DPPA2: variants seen among roughly 807,000 people sequenced by gnomAD.
DPPA2 encodes developmental pluripotency associated 2.
In DPPA2, 26 loss-of-function variants were observed where a neutral mutation model predicts 36.2. That is an observed-to-expected ratio of 0.72 (90% CI 0.53 to 1.00). The LOEUF (loss-of-function observed/expected upper bound fraction) is 1.00, where lower values mean the gene tolerates loss of function less well. DPPA2 is among the 50% of genes least tolerant of loss of function. The pLI is 0.00. For synonymous variants in DPPA2, 113 were observed against 123.2 expected, an observed-to-expected ratio of 0.92 and a Z score of 0.55; for missense variants, 361 against 365.1, an observed-to-expected ratio of 0.99 and a Z score of 0.09.
intron 1 of DPPA2, among the ~76,000 whole-genome samples, chr3:109,315,326 CAT>C (rs1341843060): frequency 2.0e-5 from 3 of 152,246 alleles, no homozygotes; most frequent in African/African-American, 7.2e-5. Context: ...GGTTGGATAA[CAT>C]AATCTCTCTT....
At position 109,308,068 on chromosome 3, in the gene DPPA2, G is replaced by C; in HGVS notation, c.622C>G (p.Pro208Ala). The change falls in exon 6 of 9, where the codon CCT becomes GCT. Residue 208 changes from proline (P) to alanine (A), a missense_variant. Physicochemically the swap from Pro to Ala is conservative, Grantham distance 27. Transcript: ENST00000478945. Reference protein sequence around the residue: ...QPKALNSCSIPVSVEAFLMQA... With the variant: ...QPKALNSCSIAVSVEAFLMQA... ...ATCAAAAAGGCCTCAACAGAAACAG[G>C]AATGGAACATGAATTCAAAGCCTTA... 6.2e-7 allele frequency: 1 copy of C among 1,614,214 alleles called. No homozygotes were observed. Among genetic ancestry groups the C allele is most frequent in the Non-Finnish European group, 8.5e-7 (1 of 1,180,026 alleles).
chr3:109,313,376 T>C (rs1473945224), intron 2 of DPPA2, among the ~76,000 whole-genome samples: 2 of 152,164 alleles, frequency 1.3e-5, no homozygotes, highest in African/African-American at 4.8e-5. Context: ...TCTGTTTTAC[T>C]CTCTGTTGCT....
rs201890654 is a variant in DPPA2 at position 109,314,075 on chromosome 3, CACTTT to C, written c.33+430_33+434del. On this transcript the variant is annotated intron_variant, in intron 2 of 8. Transcript: ENST00000478945. ...CTCTGAAAGAAAGTAACCAATTGGT[CACTTT>C]ACTTTATGACTTTATCCACATTACC... Among the ~76,000 whole-genome samples the C allele has an allele frequency of 5.3e-3, 801 of 152,248 alleles. 13 individuals carry two copies. Among genetic ancestry groups the C allele is most frequent in the African/African-American group, 0.018 (729 of 41,556 alleles).
chr3:109,304,721 C>G, intron 6 of DPPA2, 51 bp from the exon 7 acceptor site: 1 of 1,515,144 alleles, frequency 6.6e-7, no homozygotes, highest in Non-Finnish European at 8.9e-7. Flanking sequence ...AGCACCCCAA[C>G]ACAACCTCTC....
chr3:109,314,477 TGA>T (rs1559700784), intron 2 of DPPA2, 31 bp downstream of exon 2: 1 of 1,603,246 alleles, frequency 6.2e-7, no homozygotes, highest in South Asian at 1.1e-5. Context: ...AAAGCGACTG[TGA>T]GAAAAGTAAT....
At chr3:109,307,241 A>G (rs1267066821) in intron 6 of DPPA2, among the ~76,000 whole-genome samples, 5 of 151,938 alleles carry the variant, frequency 3.3e-5, no homozygotes, top group Admixed American at 2.0e-4. Context: ...AGTTATAGGC[A>G]TACAGGCATG....
At chr3:109,294,314 G>A (rs981068127) in intron 8 of DPPA2, among the ~76,000 whole-genome samples, 1 of 152,188 alleles carries the variant, frequency 6.6e-6, no homozygotes, top group African/African-American at 2.4e-5. Flanking sequence ...GAAGACCATT[G>A]ATTAATGATA....
intron 8 of DPPA2, among the ~76,000 whole-genome samples, chr3:109,299,834 C>T (rs1273641054): frequency 1.4e-5 from 2 of 147,382 alleles, no homozygotes; most frequent in African/African-American, 5.0e-5. Context: ...AGAACTACAA[C>T]CTTGAACTCC....
At chr3:109,298,667 G>C (rs1707400668) in intron 8 of DPPA2, among the ~76,000 whole-genome samples, 2 of 150,794 alleles carry the variant, frequency 1.3e-5, no homozygotes, top group Admixed American at 1.3e-4. Context: ...AGTGAGCTGA[G>C]ATCGGCGTCA....
intron 2 of DPPA2, 97 bp downstream of exon 2, chr3:109,314,413 G>A (rs530898905): frequency 1.6e-6 from 2 of 1,267,754 alleles, no homozygotes; most frequent in Admixed American, 4.5e-5. Flanking sequence ...TTACATCCAG[G>A]AATGAAGATT....
At position 109,309,150 on chromosome 3, in the gene DPPA2, A is replaced by G. The variant is rs147277053; in HGVS notation, c.342+20T>C. 1.9e-6 allele frequency: 3 copies of G among 1,614,162 alleles called. No individual in the cohort carries two copies. Among genetic ancestry groups the G allele is most frequent in the Non-Finnish European group, 2.5e-6 (3 of 1,180,028 alleles). On this transcript the variant is annotated intron_variant, in intron 4 of 8. Transcript: ENST00000478945. Reference sequence around the variant, plus strand: ...CCCATAATTATTCCCAGCAGCAGATATTCACCCAAGTGTACTAACCTTGCC... The same window carrying G: ...CCCATAATTATTCCCAGCAGCAGATGTTCACCCAAGTGTACTAACCTTGCC...
chr3:109,312,778 A>T, intron 2 of DPPA2, 86 bp from the exon 3 acceptor site: 2 of 1,496,616 alleles, frequency 1.3e-6, no homozygotes, highest in Non-Finnish European at 1.8e-6. Context: ...TGAATAAGGA[A>T]CTGAGAAGAC....
chr3:109,304,333 G>T, intron 7 of DPPA2, 142 bp downstream of exon 7: 1 of 773,708 alleles, frequency 1.3e-6, no homozygotes, highest in Non-Finnish European at 2.0e-6. Flanking sequence ...AGTTCTTCTT[G>T]CATCCTATTT....
chr3:109,308,350 T>A, intron 5 of DPPA2, 57 bp from the exon 6 acceptor site: 2 of 1,552,716 alleles, frequency 1.3e-6, no homozygotes, highest in Non-Finnish European at 1.7e-6. Flanking sequence ...TAAGGACTTT[T>A]GGGTCAATTT....
chr3:109,304,166 G>C (rs538166894), intron 7 of DPPA2, among the ~76,000 whole-genome samples: 1 of 151,992 alleles, frequency 6.6e-6, no homozygotes, highest in Non-Finnish European at 1.5e-5. Flanking sequence ...GCTGAGACTC[G>C]GGAGGCTGAG....
At chr3:109,302,326 T>G (rs1242689520) in intron 7 of DPPA2, among the ~76,000 whole-genome samples, 1 of 152,212 alleles carries the variant, frequency 6.6e-6, no homozygotes. Flanking sequence ...CATCTTGCTC[T>G]CATTACTCCT....
At chr3:109,298,626 G>C (rs1303049654) in intron 8 of DPPA2, among the ~76,000 whole-genome samples, 1 of 151,770 alleles carries the variant, frequency 6.6e-6, no homozygotes, top group Non-Finnish European at 1.5e-5. Context: ...TGAGGCAGGA[G>C]AATCGCTTGA....
intron 6 of DPPA2, among the ~76,000 whole-genome samples, chr3:109,307,603 CAAAAAAAAAAAAAA>C (rs769445059): frequency 2.3e-5 from 1 of 43,826 alleles, no homozygotes; most frequent in Non-Finnish European, 5.0e-5. Context: ...AACTCCATCT[CAAAAAAAAAAAAAA>C]AAAAAAAAGA....
chr3:109,310,007 T>A (rs1707668906), intron 3 of DPPA2, among the ~76,000 whole-genome samples: 1 of 151,436 alleles, frequency 6.6e-6, no homozygotes, highest in Non-Finnish European at 1.5e-5. Flanking sequence ...GGTGGGTGGA[T>A]CACCTGGGAG....
Sources: gnomAD v4.1 joint callset for allele counts (sites outside exome capture counted in the v4.1 genomes callset) on GRCh38, gnomAD v4.1.1 for gene constraint, MANE v1.5 for transcripts, NCBI Gene and HGNC (gene_info 2026-07-23, HGNC 2026-07-21) for gene names.